Variants in KDM6A observed in about 807,000 individuals in gnomAD.
KDM6A encodes the protein lysine-specific demethylase 6A.
Under a neutral mutation model 117.6 loss-of-function variants are expected in KDM6A, and 11 were observed. That is an observed-to-expected ratio of 0.09 (90% CI 0.06 to 0.15). The LOEUF is 0.15. KDM6A is among the 10% of genes least tolerant of loss of function. The pLI is 1.00. For synonymous variants in KDM6A, 384 were observed against 396.1 expected (o/e 0.97, Z 0.36); for missense variants, 799 against 1,077.3 (o/e 0.74, Z 3.62).
intron 4 of KDM6A, among the ~76,000 whole-genome samples, chrX:45,001,209 AAAACCGGCTT>A (rs1298685371): frequency 2.7e-5 from 3 of 111,709 alleles, no homozygotes; most frequent in South Asian, 3.7e-4. Flanking sequence ...CCCATACCAT[AAAACCGGCTT>A]AAAGAAGGGA....
At chrX:44,903,281 A>G (rs1271152666) in intron 2 of KDM6A, among the ~76,000 whole-genome samples, 2 of 111,557 alleles carry the variant, frequency 1.8e-5, no homozygotes, top group East Asian at 2.8e-4. Flanking sequence ...TTTCCTTTCA[A>G]CACTTTTACC....
At chrX:44,983,579 A>G (rs753358823) in intron 4 of KDM6A, among the ~76,000 whole-genome samples, 10 of 62,797 alleles carry the variant, frequency 1.6e-4, no homozygotes, top group South Asian at 2.6e-3. Context: ...CCACCCCACG[A>G]CAGGCCCCGG....
intron 18 of KDM6A, among the ~76,000 whole-genome samples, chrX:45,073,039 C>G (rs2044935130): frequency 9.1e-6 from 1 of 109,423 alleles, no homozygotes; most frequent in Non-Finnish European, 1.9e-5. Flanking sequence ...CACCCCACAG[C>G]AGGCCCCGGT....
intron 10 of KDM6A, among the ~76,000 whole-genome samples, chrX:45,054,396 A>T (rs1307265006): frequency 8.9e-6 from 1 of 111,790 alleles, no homozygotes; most frequent in Non-Finnish European, 1.9e-5. Flanking sequence ...CATGATATTT[A>T]CCTTAGAATT....
At position 45,076,673 on chromosome X, in the gene KDM6A, T is replaced by G. The variant is rs781020311; in HGVS notation, c.2859-24T>G. The G allele has an allele frequency of 5.0e-6, 5 of 1,006,387 alleles. No individual in the cohort carries two copies. In the South Asian group the frequency reaches 9.9e-5, roughly 20 times the overall value. 82.9% of individuals were successfully genotyped at this position (1,006,387 alleles called of 1,213,427 possible). A position where few individuals can be genotyped will look rare whatever the true frequency, so the allele number is the denominator to read the frequency against. On this transcript the variant is annotated intron_variant, in intron 18 of 29. Coordinates refer to ENST00000611820, the MANE Select transcript of KDM6A (RefSeq NM_001291415.2). ...GTTTTCCAAATAAATGTACAACTGATTATCCCTTTTTTTTTTTTTCCAGGA... is the reference window on the plus strand; with the variant it reads ...GTTTTCCAAATAAATGTACAACTGAGTATCCCTTTTTTTTTTTTTCCAGGA...
intron 4 of KDM6A, among the ~76,000 whole-genome samples, chrX:44,988,437 G>A (rs1202916707): frequency 1.8e-5 from 2 of 111,559 alleles, no homozygotes; most frequent in African/African-American, 3.3e-5. Flanking sequence ...ATCCAGCTTT[G>A]TTCCGTTGCT....
intron 18 of KDM6A, among the ~76,000 whole-genome samples, chrX:45,076,391 G>A (rs890472810): frequency 8.1e-5 from 9 of 111,378 alleles, no homozygotes; most frequent in Non-Finnish European, 1.5e-4. Context: ...AGAGGAAATT[G>A]TAAGCTCATG....
chrX:44,999,306 A>G (rs2041023227), intron 4 of KDM6A, among the ~76,000 whole-genome samples: 1 of 112,080 alleles, frequency 8.9e-6, no homozygotes, highest in Non-Finnish European at 1.9e-5. Context: ...ACACTTGGAC[A>G]AGGGAGGGGA....
chrX:44,999,510 G>C (rs931828794), intron 4 of KDM6A, among the ~76,000 whole-genome samples: 2 of 111,313 alleles, frequency 1.8e-5, no homozygotes, highest in African/African-American at 6.5e-5. Context: ...AAATGAGTCA[G>C]GGTAGAGTAG....
In KDM6A at chrX:44,915,073, T is replaced by A. The variant is rs183735125; in HGVS notation, c.225+41086T>A. On this transcript the variant is annotated intron_variant, in intron 2 of 29. Transcript: ENST00000611820. ...TAGTCAGTTGTACATTGTGGATGTT[T>A]CCTAAGCATTGACCCTAGCTCCAAG... Among the ~76,000 whole-genome samples, 61 of 111,962 alleles carry A rather than the reference T, an allele frequency of 5.4e-4. 1 individual carries two copies. In the East Asian group the frequency reaches 9.5e-3, roughly 17 times the overall value.
intron 2 of KDM6A, among the ~76,000 whole-genome samples, chrX:44,878,095 C>G (rs1423945203): frequency 9.0e-6 from 1 of 111,165 alleles, no homozygotes; most frequent in Admixed American, 9.6e-5. Flanking sequence ...GTTGAGTATC[C>G]TTTATCCAAA....
intron 2 of KDM6A, among the ~76,000 whole-genome samples, chrX:44,946,844 T>C (rs924686356): frequency 4.5e-5 from 5 of 111,748 alleles, no homozygotes; most frequent in Admixed American, 9.5e-5. Flanking sequence ...CAAGTTCTGT[T>C]TCTGAGCTCT....
chrX:45,036,006 G>A (rs2042798139), intron 7 of KDM6A, among the ~76,000 whole-genome samples: 1 of 112,264 alleles, frequency 8.9e-6, no homozygotes, highest in Non-Finnish European at 1.9e-5. Flanking sequence ...TCCGAAAAAT[G>A]AAATTTTTAA....
rs201404259 is a variant in KDM6A at position 45,071,739 on chromosome X, TTCTTTTCTTG to T, written c.2858+1419_2858+1428del. On this transcript the variant is annotated intron_variant, in intron 18 of 29. Transcript: ENST00000611820. ...AATACCTTTTGGTCTGTGTTTTCTT[TTCTTTTCTTG>T]TCTTTTCTTGTCTTTTCTTGTCTTT... 4.1e-3 allele frequency among the ~76,000 whole-genome samples: 398 copies of T among 96,956 alleles called. 3 individuals carry two copies. Among genetic ancestry groups the T allele is most frequent in the Middle Eastern group, 0.021 (4 of 188 alleles). The allele number at this position is 96,956 out of a possible 115,157, so 84.2% of individuals were successfully genotyped here.
At chrX:44,987,879 A>T (rs1368173579) in intron 4 of KDM6A, among the ~76,000 whole-genome samples, 2 of 110,172 alleles carry the variant, frequency 1.8e-5, no homozygotes, top group Non-Finnish European at 3.8e-5. Flanking sequence ...TCTGACCATT[A>T]TGTGTCTTGG....
At chrX:45,070,957 A>G (rs1235189085) in intron 18 of KDM6A, among the ~76,000 whole-genome samples, 3 of 111,703 alleles carry the variant, frequency 2.7e-5, no homozygotes, top group African/African-American at 9.8e-5. Context: ...GGCCTCAGAA[A>G]TTTATGAAGA....
chrX:45,033,818 G>T (rs2042700173), intron 6 of KDM6A, among the ~76,000 whole-genome samples: 1 of 110,744 alleles, frequency 9.0e-6, no homozygotes, highest in South Asian at 3.9e-4. Flanking sequence ...CTCCCAAAGT[G>T]CTGGGATTAC....
At chrX:45,061,871 G>C (rs185860769) in intron 15 of KDM6A, among the ~76,000 whole-genome samples, 9 of 108,493 alleles carry the variant, frequency 8.3e-5, no homozygotes, top group Non-Finnish European at 1.1e-4. Flanking sequence ...GCATTTACCA[G>C]AATAATGAAG....
At chrX:44,923,414 A>G (rs1224791718) in intron 2 of KDM6A, among the ~76,000 whole-genome samples, 1 of 97,823 alleles carries the variant, frequency 1.0e-5, no homozygotes, top group Non-Finnish European at 2.0e-5. Flanking sequence ...TCTATCACTT[A>G]CTGTGCTCTG....
Sources: allele counts gnomAD v4.1 joint callset (sites outside exome capture counted in the v4.1 genomes callset), GRCh38; gene constraint gnomAD v4.1.1; transcripts MANE v1.5; gene names NCBI Gene and HGNC (gene_info 2026-07-23, HGNC 2026-07-21).